The following ST6GAL1 variants were observed in gnomAD, a reference collection of about 807,000 sequenced individuals.
The protein encoded by ST6GAL1 is ST6 beta-galactoside alpha-2,6-sialyltransferase 1, also known as beta-galactoside alpha-2,6-sialyltransferase 1.
ST6GAL1 carries 20 observed loss-of-function variants against 38.0 expected under a neutral mutation model. That is an observed-to-expected ratio of 0.53 (90% CI 0.37 to 0.77). The LOEUF (loss-of-function observed/expected upper bound fraction) is 0.77, where lower values mean the gene tolerates loss of function less well. ST6GAL1 is among the 30% of genes least tolerant of loss of function. The pLI is 0.00. For missense variants in ST6GAL1, 432 were observed against 496.4 expected (o/e 0.87, Z 1.23); for synonymous variants, 196 against 188.2 (o/e 1.04, Z -0.34).
chr3:187,002,783 A>C (rs1169444457), intron 2 of ST6GAL1, among the ~76,000 whole-genome samples: 1 of 152,230 alleles, frequency 6.6e-6, no homozygotes, highest in African/African-American at 2.4e-5. Context: ...GTGTGTGCAT[A>C]ATTACCCTTA....
At chr3:187,072,086 G>A (rs1049442599) in intron 5 of ST6GAL1, 9 of 152,168 alleles carry the variant, frequency 5.9e-5, no homozygotes, top group Non-Finnish European at 1.0e-4. Flanking sequence ...CTTCAAGCAA[G>A]GTTGTCACAC....
intron 5 of ST6GAL1, among the ~76,000 whole-genome samples, chr3:187,068,008 C>T (rs1294375986): frequency 6.6e-6 from 1 of 152,192 alleles, no homozygotes; most frequent in Non-Finnish European, 1.5e-5. Context: ...GTACCCTACC[C>T]TGCCCACATT....
chr3:187,010,000 A>G lies in ST6GAL1; in HGVS notation c.-182-28742A>G, dbSNP rs139908456. Reference sequence around the variant, plus strand: ...AGCCTGGGCAACAGAGCGAGACTCCATCTAAAAAAAGAAAAAATTATAACC... The same window carrying G: ...AGCCTGGGCAACAGAGCGAGACTCCGTCTAAAAAAAGAAAAAATTATAACC... On this transcript the variant is annotated intron_variant, in intron 2 of 7. Coordinates refer to ENST00000169298, the MANE Select transcript of ST6GAL1 (RefSeq NM_173216.2). 5.0e-3 allele frequency among the ~76,000 whole-genome samples: 763 copies of G among 152,164 alleles called. 21 individuals are homozygous for G. In the East Asian group the frequency reaches 0.079, roughly 16 times the overall value.
intron 5 of ST6GAL1, 53 bp from the exon 6 acceptor site, chr3:187,072,796 C>G (rs1362056150): frequency 6.7e-7 from 1 of 1,498,600 alleles, no homozygotes; most frequent in African/African-American, 1.4e-5. Flanking sequence ...TACTTCATGT[C>G]AAACATTTGC....
At chr3:186,941,959 C>G (rs998149315) in intron 1 of ST6GAL1, among the ~76,000 whole-genome samples, 8 of 151,854 alleles carry the variant, frequency 5.3e-5, no homozygotes, top group African/African-American at 1.7e-4. Context: ...TTGCAGTGAG[C>G]CGAGATCATG....
At chr3:187,039,159 C>T (rs1371045075) in intron 3 of ST6GAL1, among the ~76,000 whole-genome samples, 2 of 152,190 alleles carry the variant, frequency 1.3e-5, no homozygotes, top group Non-Finnish European at 2.9e-5. Context: ...ACGAATGCAA[C>T]TGGTACTGAG....
At chr3:187,054,711 T>C (rs2108589419) in intron 5 of ST6GAL1, among the ~76,000 whole-genome samples, 1 of 152,332 alleles carries the variant, frequency 6.6e-6, no homozygotes, top group Non-Finnish European at 1.5e-5. Context: ...AGTATTTTAT[T>C]GAGGATTTTT....
chr3:187,051,667 G>T (rs1718520297), intron 5 of ST6GAL1: 1 of 293,406 alleles, frequency 3.4e-6, no homozygotes, highest in Admixed American at 4.3e-5. Context: ...GAACATCCAG[G>T]GGAGAGTGGG....
chr3:187,048,879 A>G (rs1718402441), intron 4 of ST6GAL1, among the ~76,000 whole-genome samples: 1 of 95,498 alleles, frequency 1.0e-5, no homozygotes, highest in African/African-American at 4.8e-5. Context: ...TGAGAAATTG[A>G]ATTTTTTTTT....
intron 1 of ST6GAL1, among the ~76,000 whole-genome samples, chr3:186,935,044 G>A (rs978371043): frequency 1.3e-5 from 2 of 152,014 alleles, no homozygotes; most frequent in East Asian, 1.9e-4. Context: ...ACATGTGCAG[G>A]TTTGTTATAC....
At chr3:186,979,556 A>G (rs775814094) in intron 2 of ST6GAL1, among the ~76,000 whole-genome samples, 5 of 152,284 alleles carry the variant, frequency 3.3e-5, no homozygotes, top group African/African-American at 9.6e-5. Context: ...GACAGGAGGA[A>G]GTCCAAGACA....
intron 1 of ST6GAL1, among the ~76,000 whole-genome samples, chr3:186,938,510 A>G (rs1714042870): frequency 6.6e-6 from 1 of 152,224 alleles, no homozygotes; most frequent in Non-Finnish European, 1.5e-5. Flanking sequence ...TATTGTTATA[A>G]CTGAGGTTTT....
chr3:187,066,280 T>A (rs1313383555), intron 5 of ST6GAL1, among the ~76,000 whole-genome samples: 12 of 152,170 alleles, frequency 7.9e-5, no homozygotes, highest in African/African-American at 2.2e-4. Context: ...GTTCTCCGAA[T>A]CAGAGAAAGG....
At chr3:187,071,776 CAAAAAAAAAAAA>C (rs11330261) in intron 5 of ST6GAL1, among the ~76,000 whole-genome samples, 1 of 72,324 alleles carries the variant, frequency 1.4e-5, no homozygotes, top group Non-Finnish European at 2.8e-5. Flanking sequence ...GACTCCGCCT[CAAAAAAAAAAAA>C]AAAAAAAGAA....
intron 2 of ST6GAL1, among the ~76,000 whole-genome samples, chr3:187,027,494 G>A (rs1046021360): frequency 6.6e-6 from 1 of 152,266 alleles, no homozygotes; most frequent in Non-Finnish European, 1.5e-5. Context: ...ATTTGGGTGT[G>A]CTCTAAGTCT....
chr3:187,042,344 C>A (rs1029919563), intron 3 of ST6GAL1, among the ~76,000 whole-genome samples: 5 of 151,946 alleles, frequency 3.3e-5, no homozygotes, highest in Non-Finnish European at 7.4e-5. Context: ...TAGACCAAGG[C>A]AACCAGAAAC....
chr3:187,021,056 T>G lies in ST6GAL1; in HGVS notation c.-182-17686T>G, dbSNP rs1048564420. On this transcript the variant is annotated intron_variant, in intron 2 of 7. Coordinates refer to ENST00000169298, the MANE Select transcript of ST6GAL1 (RefSeq NM_173216.2). ...CTCTGCCCACTGAGCCTCTGCCTCC[T>G]GGGTTCAAGTGATTCTCCTGCCTCA... 1.1e-4 allele frequency among the ~76,000 whole-genome samples: 16 copies of G among 151,526 alleles called. No homozygotes were observed. In the East Asian group the frequency reaches 2.4e-3, roughly 22 times the overall value.
At chr3:187,060,721 G>A (rs749353043) in intron 5 of ST6GAL1, among the ~76,000 whole-genome samples, 4 of 152,166 alleles carry the variant, frequency 2.6e-5, no homozygotes, top group Non-Finnish European at 5.9e-5. Context: ...AGGGAGAGGG[G>A]CCAAAGGTGC....
At chr3:186,983,977 C>T (rs207464159) in intron 2 of ST6GAL1, among the ~76,000 whole-genome samples, 12 of 152,278 alleles carry the variant, frequency 7.9e-5, no homozygotes, top group South Asian at 2.1e-4. Context: ...TCCTACTTTA[C>T]GCTCTGTTTG....
Sources: allele counts gnomAD v4.1 joint callset (sites outside exome capture counted in the v4.1 genomes callset), GRCh38; gene constraint gnomAD v4.1.1; transcripts MANE v1.5; gene names NCBI Gene and HGNC (gene_info 2026-07-23, HGNC 2026-07-21).